GALNTL6: variants seen among roughly 807,000 people sequenced by gnomAD.
The protein encoded by GALNTL6 is polypeptide N-acetylgalactosaminyltransferase-like 6.
GALNTL6 carries 46 observed loss-of-function variants against 73.7 expected under a neutral mutation model. The ratio of observed to expected loss-of-function variants is 0.62; its 90% CI spans 0.49 to 0.80. The LOEUF (loss-of-function observed/expected upper bound fraction) is 0.80. GALNTL6 is among the 30% of genes least tolerant of loss of function. The pLI, the probability that GALNTL6 is intolerant of heterozygous loss-of-function variation, is 0.00. For synonymous variants in GALNTL6, 259 were observed against 263.7 expected (o/e 0.98, Z 0.17); for missense variants, 604 against 755.0 (o/e 0.80, Z 2.34).
chr4:171,901,308 T>C (rs902853964), intron 2 of GALNTL6, among the ~76,000 whole-genome samples: 3 of 152,124 alleles, frequency 2.0e-5, no homozygotes, highest in Non-Finnish European at 2.9e-5. Context: ...TGAACCATTT[T>C]CCATATGCGG....
At chr4:172,632,625 T>G (rs1739447241) in intron 5 of GALNTL6, among the ~76,000 whole-genome samples, 1 of 150,570 alleles carries the variant, frequency 6.6e-6, no homozygotes, top group Non-Finnish European at 1.5e-5. Context: ...AAAAGAAAAA[T>G]CCATTTTCTG....
At chr4:172,604,110 CATA>C (rs1738170275) in intron 5 of GALNTL6, among the ~76,000 whole-genome samples, 1 of 152,142 alleles carries the variant, frequency 6.6e-6, no homozygotes. Flanking sequence ...GAAAGATTTT[CATA>C]ATATGATTTT....
intron 5 of GALNTL6, among the ~76,000 whole-genome samples, chr4:172,499,643 G>C (rs1003027892): frequency 6.6e-6 from 1 of 152,140 alleles, no homozygotes; most frequent in East Asian, 1.9e-4. Flanking sequence ...ATAATCAGAA[G>C]GTGGAATTAG....
rs553031032 is a variant in GALNTL6, at chr4:172,560,403, C to G, written c.553+211714C>G. On this transcript the variant is annotated intron_variant, in intron 5 of 12. Coordinates refer to ENST00000506823, the MANE Select transcript of GALNTL6 (RefSeq NM_001034845.3). ...GTCCCACCTACTTGGGAAGGTAAGG[C>G]AGGAGGATCACTTGAGCCCAGGAGT... 7.9e-4 allele frequency among the ~76,000 whole-genome samples: 120 copies of G among 151,996 alleles called. 1 individual carries two copies. The highest frequency in any genetic ancestry group is 3.4e-3 in the Middle Eastern group (1 of 294).
intron 5 of GALNTL6, among the ~76,000 whole-genome samples, chr4:172,569,680 A>G (rs1736689714): frequency 6.7e-6 from 1 of 149,564 alleles, no homozygotes; most frequent in Non-Finnish European, 1.5e-5. Context: ...GAAAAGCTAG[A>G]AGTCATAAAG....
intron 8 of GALNTL6, among the ~76,000 whole-genome samples, chr4:172,911,171 T>C (rs1273651559): frequency 3.3e-5 from 5 of 152,258 alleles, no homozygotes; most frequent in Non-Finnish European, 5.9e-5. Context: ...AAGTAGTTCA[T>C]TTGACTCCCT....
At position 171,895,808 on chromosome 4, in the gene GALNTL6, GA is replaced by G. The variant is rs1374944542; in HGVS notation, c.138+81094del. ...TTTGACCATACTCAATTACATAAAA[GA>G]AAATACTTCTCCACTTAATGAAAGA... On this transcript the variant is annotated intron_variant, in intron 2 of 12. Transcript: ENST00000506823. Among the ~76,000 whole-genome samples, 5 of 151,280 alleles carry G rather than the reference GA, an allele frequency of 3.3e-5. No homozygotes were observed. The East Asian group carries it at 7.8e-4, about 24-fold the overall frequency.
intron 5 of GALNTL6, among the ~76,000 whole-genome samples, chr4:172,600,453 G>A (rs1475619144): frequency 2.6e-5 from 4 of 152,052 alleles, no homozygotes; most frequent in Admixed American, 6.6e-5. Context: ...AGATAAACTC[G>A]AGTTCCGGAA....
chr4:172,998,167 A>T (rs185661457), intron 10 of GALNTL6, among the ~76,000 whole-genome samples: 1 of 152,344 alleles, frequency 6.6e-6, no homozygotes, highest in Non-Finnish European at 1.5e-5. Context: ...CATAATTTGA[A>T]GGAAAGGCAC....
chr4:172,680,569 A>T (rs1732580151), intron 5 of GALNTL6, among the ~76,000 whole-genome samples: 1 of 152,112 alleles, frequency 6.6e-6, no homozygotes, highest in Non-Finnish European at 1.5e-5. Context: ...AGCTTCTTTC[A>T]TCCCCTCCTT....
At chr4:172,336,292 A>C (rs1256369941) in intron 4 of GALNTL6, among the ~76,000 whole-genome samples, 1 of 9,432 alleles carries the variant, frequency 1.1e-4, no homozygotes, top group African/African-American at 3.0e-4. Context: ...TTTTTTTTTG[A>C]CTGAGTCTCA....
chr4:171,988,763 T>C (rs943464874), intron 2 of GALNTL6, among the ~76,000 whole-genome samples: 20 of 152,082 alleles, frequency 1.3e-4, no homozygotes, highest in Non-Finnish European at 2.1e-4. Flanking sequence ...AAGCGTGCAG[T>C]GGGATGGGAT....
chr4:172,210,470 A>G (rs1248685838), intron 2 of GALNTL6, among the ~76,000 whole-genome samples: 2 of 152,064 alleles, frequency 1.3e-5, no homozygotes, highest in Admixed American at 6.6e-5. Context: ...TGACCTTGAC[A>G]TGTTTTAGGA....
rs979195906 is a variant in GALNTL6 at position 172,937,993 on chromosome 4, A to T, written c.1149+6725A>T. Among the ~76,000 whole-genome samples the T allele has an allele frequency of 3.3e-5, 5 of 152,338 alleles. No individual in the cohort carries two copies. The East Asian group carries it at 9.6e-4, about 29-fold the overall frequency. On this transcript the variant is annotated intron_variant, in intron 9 of 12. Transcript: ENST00000506823. The stretch of plus-strand genomic sequence containing the variant: ...TTAATGACCCAATAGGCTAATCTAC[A>T]TACAAGTTACAAATGTTTTTGACTT...
intron 2 of GALNTL6, chr4:171,814,949 A>G (rs1425829223): frequency 3.5e-6 from 2 of 567,566 alleles, no homozygotes; most frequent in East Asian, 5.6e-5. Context: ...ACAGGTCAAG[A>G]AGAAGAGAAG....
intron 2 of GALNTL6, among the ~76,000 whole-genome samples, chr4:171,930,107 C>T (rs1261136014): frequency 6.6e-6 from 1 of 152,232 alleles, no homozygotes; most frequent in African/African-American, 2.4e-5. Context: ...CCTGGATATA[C>T]CACCACATAC....
At chr4:171,893,949 GCCCA>G (rs1041300109) in intron 2 of GALNTL6, among the ~76,000 whole-genome samples, 1 of 120,906 alleles carries the variant, frequency 8.3e-6, no homozygotes, top group Non-Finnish European at 1.7e-5. Context: ...TTCCTCCTTT[GCCCA>G]CCCACCCACC....
chr4:173,038,196 A>T (rs1753769833), intron 12 of GALNTL6, among the ~76,000 whole-genome samples: 1 of 152,188 alleles, frequency 6.6e-6, no homozygotes, highest in African/African-American at 2.4e-5. Context: ...TCTTTGAAAA[A>T]CTGACCTAAA....
At chr4:172,623,278 G>C (rs115444825) in intron 5 of GALNTL6, among the ~76,000 whole-genome samples, 2 of 152,108 alleles carry the variant, frequency 1.3e-5, no homozygotes, top group Non-Finnish European at 2.9e-5. Context: ...AAACGTGAAT[G>C]CTCTGAACTG....
Sources: gnomAD v4.1 joint callset for allele counts (sites outside exome capture counted in the v4.1 genomes callset) on GRCh38, gnomAD v4.1.1 for gene constraint, MANE v1.5 for transcripts, NCBI Gene and HGNC (gene_info 2026-07-23, HGNC 2026-07-21) for gene names.